The following CSTPP1 variants were observed in gnomAD, a reference collection of about 807,000 sequenced individuals.
CSTPP1 encodes the protein UPF0705 protein C11orf49.
chr11:47,161,582 A>C, the CSTPP1 span: 1 of 1,614,016 alleles, frequency 6.2e-7, no homozygotes, highest in African/African-American at 1.3e-5. Context: ...TCATTCCCGA[A>C]AAGTGGATGG....
At chr11:47,094,775 C>A in the CSTPP1 span, among the ~76,000 whole-genome samples, 1 of 152,184 alleles carries the variant, frequency 6.6e-6, no homozygotes, top group Non-Finnish European at 1.5e-5. Flanking sequence ...TTGCCATCAT[C>A]ACAGAAAGTT....
At chr11:47,087,768 T>C in the CSTPP1 span, among the ~76,000 whole-genome samples, 1 of 151,962 alleles carries the variant, frequency 6.6e-6, no homozygotes, top group Non-Finnish European at 1.5e-5. Flanking sequence ...GTTATAAATC[T>C]CCCCCAAAAA....
chr11:47,014,718 A>G, the CSTPP1 span, among the ~76,000 whole-genome samples: 1 of 141,542 alleles, frequency 7.1e-6, no homozygotes, highest in Non-Finnish European at 1.5e-5. Flanking sequence ...AAAGAGAAAG[A>G]GAGAGAAAGA....
At chr11:47,106,921 C>A in the CSTPP1 span, among the ~76,000 whole-genome samples, 1 of 152,184 alleles carries the variant, frequency 6.6e-6, no homozygotes. Flanking sequence ...ACACAGTTCT[C>A]ATTTGAGCCT....
the CSTPP1 span, among the ~76,000 whole-genome samples, chr11:46,974,857 AACACACACACACACAC>A: frequency 2.6e-3 from 373 of 143,922 alleles, 3 homozygotes; most frequent in Middle Eastern, 3.5e-3. Context: ...TCTATCTCAA[AACACACACACACACAC>A]ACACACACAC....
At chr11:47,098,100 T>TGAAGGCAGCATGCTC in the CSTPP1 span, among the ~76,000 whole-genome samples, 1 of 101,026 alleles carries the variant, frequency 9.9e-6, no homozygotes, top group African/African-American at 3.9e-5. Context: ...AACAGATGCT[T>TGAAGGCAGCATGCTC]GAAGGCAGCA....
the CSTPP1 span, among the ~76,000 whole-genome samples, chr11:47,163,172 T>TG: frequency 2.4e-5 from 3 of 126,582 alleles, no homozygotes; most frequent in Non-Finnish European, 3.3e-5. Context: ...TGAGACCATC[T>TG]TAAAAAAAAA....
chr11:47,162,232 C>T, the CSTPP1 span: 14 of 985,420 alleles, frequency 1.4e-5, no homozygotes, highest in Non-Finnish European at 1.7e-5. Context: ...AATAAAAAGT[C>T]CCTCATGTCT....
At chr11:47,097,273 G>A in the CSTPP1 span, among the ~76,000 whole-genome samples, 2 of 125,234 alleles carry the variant, frequency 1.6e-5, no homozygotes, top group Non-Finnish European at 3.5e-5. Flanking sequence ...CCGGGAGGGA[G>A]GTGGGGGGGT....
the CSTPP1 span, among the ~76,000 whole-genome samples, chr11:47,000,678 T>G: frequency 6.6e-6 from 1 of 152,190 alleles, no homozygotes; most frequent in Non-Finnish European, 1.5e-5. Context: ...ACCTACTCTG[T>G]GCCTGTGTGT....
chr11:47,028,700 A>G, the CSTPP1 span, among the ~76,000 whole-genome samples: 1 of 152,210 alleles, frequency 6.6e-6, no homozygotes, highest in Non-Finnish European at 1.5e-5. Flanking sequence ...GCATTGCCAA[A>G]TTCTATAGCT....
the CSTPP1 span, chr11:47,164,070 G>C: frequency 1.3e-6 from 2 of 1,594,064 alleles, no homozygotes; most frequent in Non-Finnish European, 8.6e-7. Context: ...ACTAATGCCA[G>C]CTCTTTCCTC....
At chr11:46,956,425 T>C in the CSTPP1 span, among the ~76,000 whole-genome samples, 1 of 152,162 alleles carries the variant, frequency 6.6e-6, no homozygotes, top group South Asian at 2.1e-4. Context: ...ACCAATACAT[T>C]ATATTTACAC....
chr11:47,030,522 T>C, the CSTPP1 span, among the ~76,000 whole-genome samples: 1 of 152,344 alleles, frequency 6.6e-6, no homozygotes, highest in African/African-American at 2.4e-5. Flanking sequence ...ATTTACTTAT[T>C]TATTTTTAAC....
the CSTPP1 span, among the ~76,000 whole-genome samples, chr11:47,046,413 A>G: frequency 6.6e-6 from 1 of 152,026 alleles, no homozygotes; most frequent in African/African-American, 2.4e-5. Flanking sequence ...AATTAAGAAA[A>G]GCAATTCTGT....
the CSTPP1 span, among the ~76,000 whole-genome samples, chr11:47,004,708 G>A: frequency 6.6e-6 from 1 of 152,032 alleles, no homozygotes; most frequent in African/African-American, 2.4e-5. Flanking sequence ...AAAACTCAAG[G>A]TGTAGTGGGA....
the CSTPP1 span, among the ~76,000 whole-genome samples, chr11:47,117,482 T>C: frequency 6.6e-6 from 1 of 152,202 alleles, no homozygotes; most frequent in Admixed American, 6.5e-5. Context: ...GCTTGTAGGG[T>C]TTCTGCCGAG....
chr11:46,939,368 C>T, the CSTPP1 span, among the ~76,000 whole-genome samples: 2 of 151,944 alleles, frequency 1.3e-5, no homozygotes, highest in South Asian at 2.1e-4. Context: ...GGATTACAGG[C>T]GTGAGCCACC....
At chr11:47,156,900 G>GC in the CSTPP1 span, 2 of 935,248 alleles carry the variant, frequency 2.1e-6, no homozygotes, top group Non-Finnish European at 3.2e-6. Flanking sequence ...AGGACACCAT[G>GC]CCCTGAGCAC....
Sources: gnomAD v4.1 joint callset for allele counts (sites outside exome capture counted in the v4.1 genomes callset) on GRCh38, gnomAD v4.1.1 for gene constraint, MANE v1.5 for transcripts, NCBI Gene and HGNC (gene_info 2026-07-23, HGNC 2026-07-21) for gene names.